Variants in RBM19 observed in about 807,000 individuals in gnomAD.
RBM19 encodes RNA binding motif protein 19.
Under a neutral mutation model 116.8 loss-of-function variants are expected in RBM19, and 94 were observed. The ratio of observed to expected loss-of-function variants is 0.80; its 90% CI spans 0.68 to 0.95. RBM19 has a LOEUF of 0.95. RBM19 is among the 40% of genes least tolerant of loss of function. RBM19 has a pLI of 0.00. For missense variants in RBM19, 1,161 were observed against 1,220.7 expected, an observed-to-expected ratio of 0.95 and a Z score of 0.73; for synonymous variants, 475 against 494.1, an observed-to-expected ratio of 0.96 and a Z score of 0.51.
chr12:113,893,286 C>T (rs1230921963), intron 21 of RBM19, among the ~76,000 whole-genome samples: 1 of 152,118 alleles, frequency 6.6e-6, no homozygotes, highest in Non-Finnish European at 1.5e-5. Flanking sequence ...TCTGGGATTA[C>T]AGGTGTGAGC....
chr12:113,958,573 T>C (rs566577904), intron 5 of RBM19, among the ~76,000 whole-genome samples: 5 of 152,264 alleles, frequency 3.3e-5, no homozygotes, highest in Admixed American at 3.3e-4. Flanking sequence ...TCCCCTACCG[T>C]GTCCCACTAA....
intron 21 of RBM19, among the ~76,000 whole-genome samples, chr12:113,879,417 A>T (rs1879923900): frequency 7.6e-6 from 1 of 130,904 alleles, no homozygotes; most frequent in Admixed American, 7.9e-5. Flanking sequence ...TGTAAAAATG[A>T]TCATACATAC....
chr12:113,927,285 G>A, intron 16 of RBM19, 56 bp from the exon 17 acceptor site: 1 of 1,520,528 alleles, frequency 6.6e-7, no homozygotes, highest in East Asian at 2.5e-5. Flanking sequence ...ATGAAATAAT[G>A]TCAAACCCAC....
At chr12:113,858,130 G>A (rs1469407227) in intron 22 of RBM19, among the ~76,000 whole-genome samples, 3 of 152,236 alleles carry the variant, frequency 2.0e-5, no homozygotes, top group Non-Finnish European at 4.4e-5. Context: ...TGTTCACACA[G>A]CCTCTGCCCC....
At chr12:113,919,135 T>C (rs4767164) in intron 19 of RBM19, among the ~76,000 whole-genome samples, 10,427 of 152,274 alleles carry the variant, frequency 0.068, 759 homozygotes, top group East Asian at 0.39. Context: ...AGGAAGGGCC[T>C]AGGATGTGGG....
chr12:113,902,983 C>T (rs750095627), intron 21 of RBM19, among the ~76,000 whole-genome samples: 9 of 152,172 alleles, frequency 5.9e-5, no homozygotes, highest in Non-Finnish European at 1.0e-4. Context: ...AGCTGTGCAA[C>T]CCTTGCCACA....
intron 21 of RBM19, among the ~76,000 whole-genome samples, chr12:113,897,195 G>A (rs1322086639): frequency 6.6e-6 from 1 of 152,172 alleles, no homozygotes. Flanking sequence ...TTGAGATAGA[G>A]TCTCGCTCTG....
At chr12:113,963,244 A>G (rs73401080) in intron 1 of RBM19, among the ~76,000 whole-genome samples, 11,690 of 152,238 alleles carry the variant, frequency 0.077, 1,493 homozygotes, top group African/African-American at 0.27. Context: ...CTGCACTAAA[A>G]AACTAACACA....
intron 21 of RBM19, among the ~76,000 whole-genome samples, chr12:113,859,802 A>G (rs1878217948): frequency 6.6e-6 from 1 of 152,006 alleles, no homozygotes; most frequent in Admixed American, 6.6e-5. Context: ...GAAGAGAGGT[A>G]TTATTTTATT....
At chr12:113,843,643 G>A (rs2135715921) in intron 23 of RBM19, among the ~76,000 whole-genome samples, 1 of 152,300 alleles carries the variant, frequency 6.6e-6, no homozygotes, top group African/African-American at 2.4e-5. Context: ...GATGGGAGGC[G>A]GAGGTGTGGA....
Position 113,827,538 on chromosome 12 carries a change from C to T in RBM19, c.2786-4217G>A, listed in dbSNP as rs1469171425. On this transcript the variant is annotated intron_variant, in intron 23 of 23. Coordinates refer to ENST00000261741, the MANE Select transcript of RBM19 (RefSeq NM_016196.4). ...AGGGCGGGGGGGCGGGGGGGTGCGT[C>T]GGGAGGACAAGAGAAAGCGCTTCTT... 3.3e-5 allele frequency among the ~76,000 whole-genome samples: 5 copies of T among 151,378 alleles called. No homozygotes were observed. The South Asian group carries it at 8.4e-4, about 25-fold the overall frequency.
rs761391939 is a variant in RBM19 at position 113,924,761 on chromosome 12, G to A, written c.2245-4C>T. ...CTGTCCCCACTTTTGAAAACACCTG[G>A]ATAAGAAAGTAACAAGTATCATCAG... On this transcript the variant is annotated splice_region_variant and splice_polypyrimidine_tract_variant and intron_variant, in intron 17 of 23. Transcript: ENST00000261741. The A allele has an allele frequency of 6.5e-7, 1 of 1,539,642 alleles. No homozygotes were observed. The highest frequency in any genetic ancestry group is 1.4e-5 in the African/African-American group (1 of 73,118).
intron 8 of RBM19, among the ~76,000 whole-genome samples, chr12:113,950,518 C>T (rs773218347): frequency 6.6e-6 from 1 of 152,168 alleles, no homozygotes; most frequent in African/African-American, 2.4e-5. Context: ...CCCACCTAGG[C>T]GCTGGAAGCA....
intron 23 of RBM19, among the ~76,000 whole-genome samples, chr12:113,837,308 A>T (rs912711029): frequency 1.4e-5 from 2 of 146,982 alleles, no homozygotes; most frequent in Non-Finnish European, 3.0e-5. Context: ...TATAAACACC[A>T]GGGCTCATCT....
intron 21 of RBM19, among the ~76,000 whole-genome samples, chr12:113,860,800 G>C (rs1264590244): frequency 6.6e-6 from 1 of 152,188 alleles, no homozygotes; most frequent in Non-Finnish European, 1.5e-5. Flanking sequence ...CTAGGGCTCA[G>C]CTCCGCAAGA....
intron 17 of RBM19, 38 bp from the exon 18 acceptor site, chr12:113,924,795 A>C: frequency 1.3e-6 from 2 of 1,506,992 alleles, no homozygotes; most frequent in Non-Finnish European, 9.2e-7. Flanking sequence ...AGCAGCTCTA[A>C]ACCACTATGC....
downstream of RBM19, among the ~76,000 whole-genome samples, chr12:113,818,590 T>A (rs1874209587): frequency 6.6e-6 from 1 of 152,254 alleles, no homozygotes. Context: ...CTACCATTAC[T>A]AAGTACTCAC....
At chr12:113,908,229 T>C (rs920926062) in intron 21 of RBM19, among the ~76,000 whole-genome samples, 2 of 152,110 alleles carry the variant, frequency 1.3e-5, no homozygotes, top group Non-Finnish European at 2.9e-5. Context: ...CCCTAGCAGA[T>C]GAAAGGGCTC....
chr12:113,826,778 T>G (rs1358179776), intron 23 of RBM19, among the ~76,000 whole-genome samples: 1 of 152,240 alleles, frequency 6.6e-6, no homozygotes, highest in Non-Finnish European at 1.5e-5. Flanking sequence ...TGTGTTACTA[T>G]TATTGATAGG....
Sources: gnomAD v4.1 joint callset for allele counts (sites outside exome capture counted in the v4.1 genomes callset) on GRCh38, gnomAD v4.1.1 for gene constraint, MANE v1.5 for transcripts, NCBI Gene and HGNC (gene_info 2026-07-23, HGNC 2026-07-21) for gene names.